ARID4B: variants seen among roughly 807,000 people sequenced by gnomAD.
The protein encoded by ARID4B is AT-rich interaction domain 4B, also known as AT-rich interactive domain-containing protein 4B.
A neutral mutation model predicts 147.5 loss-of-function variants in ARID4B; 26 were observed. That is an observed-to-expected ratio of 0.18 (90% CI 0.13 to 0.24). ARID4B has a LOEUF of 0.24. ARID4B is among the 10% of genes least tolerant of loss of function. ARID4B has a pLI of 1.00. For missense variants in ARID4B, 1,179 were observed against 1,511.5 expected (o/e 0.78, Z 3.65); for synonymous variants, 512 against 507.9 (o/e 1.01, Z -0.11).
At chr1:235,276,149 AT>A (rs764100828) in intron 2 of ARID4B, among the ~76,000 whole-genome samples, 8 of 150,972 alleles carry the variant, frequency 5.3e-5, no homozygotes, top group Non-Finnish European at 8.8e-5. Context: ...AAGAAAAAAA[AT>A]CTTGACCAGT....
intron 11 of ARID4B, among the ~76,000 whole-genome samples, chr1:235,225,073 GT>G (rs78932838): frequency 0.29 from 25,915 of 89,906 alleles, 3,090 homozygotes; most frequent in African/African-American, 0.39. Context: ...GTTTTGTTTT[GT>G]TTTTTTTACC....
intron 2 of ARID4B, among the ~76,000 whole-genome samples, chr1:235,299,358 A>C (rs891585637): frequency 6.6e-6 from 1 of 151,992 alleles, no homozygotes; most frequent in Non-Finnish European, 1.5e-5. Context: ...GGATTACAGG[A>C]GCCCACCACC....
At position 235,220,402 on chromosome 1, in the gene ARID4B, A is replaced by T. The variant is rs971718271; in HGVS notation, c.1307T>A (p.Ile436Asn). The change falls in exon 15 of 24, where the codon ATC becomes AAC. Residue 436 changes from isoleucine (I) to asparagine (N), a missense_variant. Around this residue, in one of 10 missense-constraint regions of ARID4B, gnomAD observed 204 missense variants for 210.9 expected, o/e 0.97. Coordinates refer to ENST00000264183, the MANE Select transcript of ARID4B (RefSeq NM_016374.6). The part of the protein sequence containing the change: ...IKVKEENETE[I>N]KEIKMEEERN... ...CTCCTCCTCCATCTTTATTTCTTTG[A>T]TCTCTGTTTCATTTTCCTCCTTAAC... The T allele has an allele frequency of 3.7e-6, 6 of 1,610,910 alleles. No homozygotes were observed. The highest frequency in any genetic ancestry group is 5.1e-6 in the Non-Finnish European group (6 of 1,177,980).
chr1:235,320,592 C>G (rs554319392), intron 2 of ARID4B, among the ~76,000 whole-genome samples: 1 of 152,172 alleles, frequency 6.6e-6, no homozygotes, highest in South Asian at 2.1e-4. Flanking sequence ...CATCACTTCA[C>G]TCAACACCCT....
chr1:235,273,084 C>T (rs959355354), intron 2 of ARID4B, among the ~76,000 whole-genome samples: 2 of 152,164 alleles, frequency 1.3e-5, no homozygotes, highest in African/African-American at 4.8e-5. Context: ...TATTTACAGG[C>T]TAGAGTGCAG....
chr1:235,216,332 C>CACATAT (rs147460230), intron 16 of ARID4B, among the ~76,000 whole-genome samples: 18,480 of 150,866 alleles, frequency 0.12, 1,302 homozygotes, highest in African/African-American at 0.19. Flanking sequence ...CACACACACA[C>CACATAT]ATATATACGT....
intron 20 of ARID4B, among the ~76,000 whole-genome samples, chr1:235,178,581 C>T (rs983368515): frequency 6.6e-6 from 1 of 152,240 alleles, no homozygotes. Context: ...TACATCTTCA[C>T]TAAGATGTTC....
intron 2 of ARID4B, among the ~76,000 whole-genome samples, chr1:235,281,640 A>G (rs1367181442): frequency 6.6e-6 from 1 of 151,886 alleles, no homozygotes; most frequent in East Asian, 1.9e-4. Context: ...AGCCCAGGAG[A>G]TCAAGCCTGC....
intron 10 of ARID4B, among the ~76,000 whole-genome samples, 182 bp downstream of exon 10, chr1:235,230,929 AAG>A (rs1441074542): frequency 6.6e-6 from 1 of 151,956 alleles, no homozygotes; most frequent in African/African-American, 2.4e-5. Flanking sequence ...AAAAAAAAAA[AAG>A]AAAAGGAAAC....
intron 6 of ARID4B, among the ~76,000 whole-genome samples, chr1:235,251,808 C>G (rs918472307): frequency 1.3e-5 from 2 of 152,082 alleles, no homozygotes; most frequent in African/African-American, 4.8e-5. Context: ...GATTAGAGAA[C>G]GTAACACCAT....
intron 2 of ARID4B, among the ~76,000 whole-genome samples, chr1:235,321,884 T>C (rs990828148): frequency 2.0e-5 from 3 of 151,944 alleles, no homozygotes; most frequent in Non-Finnish European, 4.4e-5. Flanking sequence ...ATTTTCCACT[T>C]GGACTTCTTA....
chr1:235,197,060 T>A (rs535661401), intron 17 of ARID4B, among the ~76,000 whole-genome samples: 2 of 152,076 alleles, frequency 1.3e-5, no homozygotes, highest in Non-Finnish European at 2.9e-5. Context: ...TCAATGCTGA[T>A]GGTCTTCACA....
rs767176715 is a variant in ARID4B, at chr1:235,236,828, T to TAAAAAAA, written c.586-2337_586-2336insTTTTTTT. Among the ~76,000 whole-genome samples the TAAAAAAA allele has an allele frequency of 8.6e-4, 40 of 46,308 alleles. No individual in the cohort carries two copies. The South Asian group carries it at 9.9e-3, about 11-fold the overall frequency. The allele number at this position is 46,308 out of a possible 152,430, so 30.4% of individuals were successfully genotyped here. A position where few individuals can be genotyped will look rare whatever the true frequency, so the allele number is the denominator to read the frequency against. Reference sequence around the variant, plus strand: ...GCGCCTGGCCCACAAAACGGTTTTATAAAAAATATATATATATATATATAT... The same window carrying TAAAAAAA: ...GCGCCTGGCCCACAAAACGGTTTTATAAAAAAAAAAAAATATATATATATATATATAT... On this transcript the variant is annotated intron_variant, in intron 8 of 23. Coordinates refer to ENST00000264183, the MANE Select transcript of ARID4B (RefSeq NM_016374.6).
Position 235,168,431 on chromosome 1 carries a change from GCT to G in ARID4B, c.*92_*93del. On this transcript the variant is annotated 3_prime_UTR_variant, in exon 24 of 24. Coordinates refer to ENST00000264183, the MANE Select transcript of ARID4B (RefSeq NM_016374.6). ...AAACAATTTTTAAATATAAAATAGT[GCT>G]TGTCTGATATTTTTTTGTGCCACTG... The G allele has an allele frequency of 7.3e-7, 1 of 1,377,950 alleles. No individual in the cohort carries two copies. The highest frequency in any genetic ancestry group is 9.7e-7 in the Non-Finnish European group (1 of 1,033,692). 85.4% of individuals were successfully genotyped at this position (1,377,950 alleles called of 1,614,324 possible).
intron 19 of ARID4B, among the ~76,000 whole-genome samples, chr1:235,193,023 G>A (rs1665226321): frequency 6.6e-6 from 1 of 151,996 alleles, no homozygotes; most frequent in Non-Finnish European, 1.5e-5. Context: ...AACCCGGGAG[G>A]TGGAGCTTGC....
chr1:235,319,057 G>A (rs1165212426), intron 2 of ARID4B, among the ~76,000 whole-genome samples: 2 of 152,090 alleles, frequency 1.3e-5, no homozygotes, highest in African/African-American at 2.4e-5. Flanking sequence ...AGGAAGTTGA[G>A]GGGGAAAGAT....
At chr1:235,247,093 AT>A (rs925082357) in intron 6 of ARID4B, among the ~76,000 whole-genome samples, 44 of 152,194 alleles carry the variant, frequency 2.9e-4, no homozygotes, top group Non-Finnish European at 4.4e-4. Flanking sequence ...TCTACATTTG[AT>A]TTTTTTCCTT....
intron 2 of ARID4B, among the ~76,000 whole-genome samples, chr1:235,302,842 CAGA>C (rs1040487288): frequency 1.6e-4 from 24 of 152,318 alleles, no homozygotes; most frequent in African/African-American, 5.8e-4. Flanking sequence ...TTAAGCATCA[CAGA>C]AGGTTACATT....
intron 8 of ARID4B, among the ~76,000 whole-genome samples, chr1:235,239,214 T>G (rs1055840263): frequency 6.6e-6 from 1 of 152,026 alleles, no homozygotes; most frequent in African/African-American, 2.4e-5. Context: ...TCAGGGGATT[T>G]GCCCACCTCG....
Sources: gnomAD v4.1 joint callset for allele counts (sites outside exome capture counted in the v4.1 genomes callset) on GRCh38, gnomAD v4.1.1 for gene constraint, gnomAD v4.1.1 regional missense constraint, MANE v1.5 for transcripts, NCBI Gene and HGNC (gene_info 2026-07-23, HGNC 2026-07-21) for gene names.